Variants in TBC1D2B observed in about 807,000 individuals in gnomAD.
TBC1D2B encodes the protein TBC1 domain family, member 2B.
TBC1D2B carries 64 observed loss-of-function variants against 100.8 expected under a neutral mutation model. The observed-to-expected ratio is 0.64, with a 90% CI of 0.52 to 0.78. The LOEUF is 0.78. Ranked by LOEUF, TBC1D2B falls within the 30% of genes least tolerant of loss-of-function variation. TBC1D2B has a pLI of 0.00. For synonymous variants in TBC1D2B, 480 were observed against 479.7 expected, an observed-to-expected ratio of 1.00 and a Z score of -0.01; for missense variants, 1,052 against 1,218.4, an observed-to-expected ratio of 0.86 and a Z score of 2.03.
intron 8 of TBC1D2B, among the ~76,000 whole-genome samples, 186 bp from the exon 9 acceptor site, chr15:78,013,503 T>C (rs1033362384): frequency 6.6e-6 from 1 of 152,160 alleles, no homozygotes; most frequent in African/African-American, 2.4e-5. Context: ...ACTGGCTATC[T>C]ATATGCAAAA....
intron 2 of TBC1D2B, chr15:78,053,746 G>A (rs2141803843): frequency 3.4e-6 from 1 of 297,470 alleles, no homozygotes; most frequent in Admixed American, 4.9e-5. Context: ...TAGAAAGGCT[G>A]GCCCTGCAGT....
chr15:78,072,941 G>A (rs1282495213), intron 1 of TBC1D2B, among the ~76,000 whole-genome samples: 1 of 152,110 alleles, frequency 6.6e-6, no homozygotes, highest in Non-Finnish European at 1.5e-5. Context: ...AAAGAACTGG[G>A]CAGTAAAATG....
At chr15:78,059,150 A>C (rs1434443104) in intron 1 of TBC1D2B, among the ~76,000 whole-genome samples, 2 of 152,314 alleles carry the variant, frequency 1.3e-5, no homozygotes, top group African/African-American at 4.8e-5. Context: ...CCATTCTCTG[A>C]ATAGGGAGCT....
Position 78,054,086 on chromosome 15 carries a change from G to T in TBC1D2B, c.462C>A (p.Thr154=), listed in dbSNP as rs538787360. The change falls in exon 2 of 13, where the codon ACC becomes ACA. Residue 154 remains threonine, a synonymous_variant. Coordinates refer to ENST00000300584, the MANE Select transcript of TBC1D2B (RefSeq NM_144572.2). The part of the protein sequence containing the change: ...SLDMVKWDSR[T]SPTPGDFPKG... The stretch of plus-strand genomic sequence containing the variant: ...TAGGAAAATCCCCGGGAGTTGGAGA[G>T]GTCCTGCTGTCCCACTTGACCATGT... The T allele has an allele frequency of 1.3e-5, 21 of 1,613,836 alleles. No homozygotes were observed. The highest frequency in any genetic ancestry group is 1.1e-4 in the East Asian group (5 of 44,870).
intron 1 of TBC1D2B, among the ~76,000 whole-genome samples, chr15:78,071,607 G>T (rs2073744284): frequency 6.6e-6 from 1 of 152,170 alleles, no homozygotes; most frequent in Non-Finnish European, 1.5e-5. Flanking sequence ...GATTCCTGAT[G>T]TCTGTTAAAT....
At position 78,024,488 on chromosome 15, in the gene TBC1D2B, A is replaced by G. The variant is rs776213597; in HGVS notation, c.1138T>C (p.Tyr380His). 13 of 1,613,992 alleles carry G rather than the reference A, an allele frequency of 8.1e-6. No individual in the cohort carries two copies. Among genetic ancestry groups the G allele is most frequent in the Non-Finnish European group, 1.0e-5 (12 of 1,179,900 alleles). ...QTVRSSQYDK[Y>H]FTSSRLCEGV... Reference sequence around the variant, plus strand: ...TCACAGAGCCGGCTGCTTGTGAAATACTTGTCATACTGGGATGACCGGACT... The same window carrying G: ...TCACAGAGCCGGCTGCTTGTGAAATGCTTGTCATACTGGGATGACCGGACT... The change falls in exon 6 of 13, where the codon TAT becomes CAT. Residue 380 changes from tyrosine to histidine, a missense_variant. Tyr to His is a moderately conservative substitution (Grantham distance 83, BLOSUM62 2). Coordinates refer to ENST00000300584, the MANE Select transcript of TBC1D2B (RefSeq NM_144572.2).
intron 5 of TBC1D2B, among the ~76,000 whole-genome samples, chr15:78,024,863 T>C (rs1377674508): frequency 1.3e-5 from 2 of 152,200 alleles, no homozygotes; most frequent in African/African-American, 2.4e-5. Flanking sequence ...GCTGAACAAT[T>C]AAATGTAATT....
At chr15:78,039,448 G>C (rs907915273) in intron 3 of TBC1D2B, among the ~76,000 whole-genome samples, 2 of 152,140 alleles carry the variant, frequency 1.3e-5, no homozygotes, top group African/African-American at 4.8e-5. Context: ...GATCAGAGCG[G>C]GGCCAACTGC....
intron 1 of TBC1D2B, among the ~76,000 whole-genome samples, chr15:78,076,732 C>T (rs538953964): frequency 6.6e-6 from 1 of 152,198 alleles, no homozygotes; most frequent in Non-Finnish European, 1.5e-5. Flanking sequence ...GCCTGGACAA[C>T]AGAACAAGAT....
At chr15:78,042,141 C>T (rs2073104273) in intron 3 of TBC1D2B, among the ~76,000 whole-genome samples, 2 of 152,174 alleles carry the variant, frequency 1.3e-5, no homozygotes, top group African/African-American at 4.8e-5. Flanking sequence ...TCAGCTGTGA[C>T]AGGCAGAAGT....
chr15:78,034,417 C>T (rs2072894160), intron 3 of TBC1D2B: 1 of 866,112 alleles, frequency 1.2e-6, no homozygotes, highest in Non-Finnish European at 1.4e-6. Flanking sequence ...CAGGAGCCTT[C>T]CCTCAGGTGG....
intron 1 of TBC1D2B, among the ~76,000 whole-genome samples, chr15:78,062,600 T>C (rs904436353): frequency 1.3e-5 from 2 of 152,222 alleles, no homozygotes; most frequent in Non-Finnish European, 2.9e-5. Flanking sequence ...CCTCCATCAA[T>C]ACTTTGGTAT....
chr15:78,012,165 G>A (rs563814488), intron 9 of TBC1D2B, among the ~76,000 whole-genome samples: 33 of 152,320 alleles, frequency 2.2e-4, no homozygotes, highest in East Asian at 3.9e-4. Context: ...AGCAGAAAGC[G>A]CGCCAGCCAG....
At position 78,044,861 on chromosome 15, in the gene TBC1D2B, C is replaced by A. The variant is rs764936156; in HGVS notation, c.683+39G>T. On this transcript the variant is annotated intron_variant, in intron 3 of 12. Coordinates refer to ENST00000300584, the MANE Select transcript of TBC1D2B (RefSeq NM_144572.2). ...TTATAACATACATTATCAGAAACAACCCATTTTCAATTTCATATGCTGCTT... is the reference window on the plus strand; with the variant it reads ...TTATAACATACATTATCAGAAACAAACCATTTTCAATTTCATATGCTGCTT... The A allele has an allele frequency of 3.9e-6, 6 of 1,521,692 alleles. No individual in the cohort carries two copies. The Admixed American group carries it at 1.2e-4, about 31-fold the overall frequency. 94.3% of individuals were successfully genotyped at this position (1,521,692 alleles called of 1,614,324 possible).
At chr15:78,008,617 C>T (rs1055482064) in intron 10 of TBC1D2B, among the ~76,000 whole-genome samples, 1 of 152,238 alleles carries the variant, frequency 6.6e-6, no homozygotes, top group African/African-American at 2.4e-5. Flanking sequence ...TCTGGTTTGT[C>T]TCATTCCAGC....
chr15:78,039,782 A>G (rs2073032720), intron 3 of TBC1D2B, among the ~76,000 whole-genome samples: 1 of 148,276 alleles, frequency 6.7e-6, no homozygotes, highest in Non-Finnish European at 1.5e-5. Flanking sequence ...ACACACACAC[A>G]CACGCAATTT....
chr15:78,008,553 G>A (rs1396708363), intron 10 of TBC1D2B, among the ~76,000 whole-genome samples: 1 of 152,218 alleles, frequency 6.6e-6, no homozygotes, highest in Non-Finnish European at 1.5e-5. Context: ...CCCTTCCTGG[G>A]GCTGGAACTT....
intron 12 of TBC1D2B, among the ~76,000 whole-genome samples, chr15:78,001,318 C>CA (rs546608864): frequency 5.4e-4 from 82 of 152,380 alleles, no homozygotes; most frequent in African/African-American, 1.9e-3. Context: ...GTGCCCAGCA[C>CA]AGACCCTACC....
At chr15:78,006,433 G>T (rs1165980695) in intron 10 of TBC1D2B, among the ~76,000 whole-genome samples, 1 of 152,196 alleles carries the variant, frequency 6.6e-6, no homozygotes. Context: ...GCAATCACAG[G>T]GAGACCAGAT....
Sources: gnomAD v4.1 joint callset for allele counts (sites outside exome capture counted in the v4.1 genomes callset) on GRCh38, gnomAD v4.1.1 for gene constraint, MANE v1.5 for transcripts, NCBI Gene and HGNC (gene_info 2026-07-23, HGNC 2026-07-21) for gene names.